Variants in GLIS1 observed in about 807,000 individuals in gnomAD.
The protein encoded by GLIS1 is zinc finger protein GLIS1.
Under a neutral mutation model 63.8 loss-of-function variants are expected in GLIS1, and 24 were observed. The observed-to-expected ratio is 0.38, with a 90% CI of 0.27 to 0.53. The LOEUF (loss-of-function observed/expected upper bound fraction) is 0.53. Ranked by LOEUF, GLIS1 falls within the 20% of genes least tolerant of loss-of-function variation. The probability of loss-of-function intolerance (pLI) is 0.85; values close to 1 mark genes in which losing one functional copy is unlikely to be tolerated. For synonymous variants in GLIS1, 450 were observed against 482.5 expected (o/e 0.93, Z 0.88); for missense variants, 1,036 against 1,074.1 (o/e 0.96, Z 0.50).
chr1:53,530,008 A>G (rs1177974295), intron 4 of GLIS1, 56 bp from the exon 5 acceptor site: 2 of 1,550,824 alleles, frequency 1.3e-6, no homozygotes, highest in East Asian at 2.3e-5. Context: ...CCAACCCTGC[A>G]TGGAAACTAA....
At chr1:53,580,629 C>A (rs1435943776) in intron 4 of GLIS1, among the ~76,000 whole-genome samples, 6 of 152,128 alleles carry the variant, frequency 3.9e-5, no homozygotes. Flanking sequence ...GGAATCCCAG[C>A]TCTTGATCTC....
chr1:53,613,235 T>G (rs1431692683), intron 2 of GLIS1, among the ~76,000 whole-genome samples: 2 of 152,268 alleles, frequency 1.3e-5, no homozygotes, highest in African/African-American at 4.8e-5. Context: ...TTAATGACTC[T>G]ATAGATTCCA....
At chr1:53,521,282 G>A (rs530124838) in intron 6 of GLIS1, among the ~76,000 whole-genome samples, 33 of 152,208 alleles carry the variant, frequency 2.2e-4, no homozygotes, top group African/African-American at 7.7e-4. Context: ...CTGTGCAGCC[G>A]CACCGGTGAA....
intron 2 of GLIS1, among the ~76,000 whole-genome samples, chr1:53,661,075 C>T (rs908251212): frequency 5.9e-5 from 9 of 152,218 alleles, no homozygotes; most frequent in African/African-American, 2.2e-4. Flanking sequence ...TATACACATC[C>T]ATGTATGTAT....
intron 2 of GLIS1, among the ~76,000 whole-genome samples, chr1:53,723,087 C>T (rs1030160364): frequency 5.3e-5 from 8 of 151,228 alleles, no homozygotes; most frequent in African/African-American, 1.7e-4. Context: ...GAGCCAAGAT[C>T]GTGACACTGC....
intron 2 of GLIS1, among the ~76,000 whole-genome samples, chr1:53,631,039 G>T (rs142052037): frequency 2.1e-3 from 323 of 152,242 alleles, no homozygotes; most frequent in African/African-American, 7.6e-3. Flanking sequence ...AAGGATATCA[G>T]GTTTGCTCTT....
At chr1:53,556,684 A>ATG (rs1178105837) in intron 4 of GLIS1, among the ~76,000 whole-genome samples, 21 of 117,220 alleles carry the variant, frequency 1.8e-4, no homozygotes, top group East Asian at 1.5e-3. Context: ...TACTGTAAGT[A>ATG]TGTGTGTGTG....
In GLIS1 at chr1:53,510,008, AGAG is replaced by A; in HGVS notation, c.1900_1902del (p.Leu634del). Reference sequence around the variant, plus strand: ...CCCTTCAGGGGGCTGACTATTGGTGAGAGGAGGCCGGGCCCCAACCTGGAGAGA... The same window carrying A: ...CCCTTCAGGGGGCTGACTATTGGTGAGAGGCCGGGCCCCAACCTGGAGAGA... On this transcript the variant is annotated inframe_deletion, in exon 9 of 11. Coordinates refer to ENST00000628545, the MANE Select transcript of GLIS1 (RefSeq NM_001367484.1). The A allele has an allele frequency of 7.8e-7, 1 of 1,276,174 alleles. No individual in the cohort carries two copies. The highest frequency in any genetic ancestry group is 1.0e-6 in the Non-Finnish European group (1 of 1,003,244). The allele number at this position is 1,276,174 out of a possible 1,614,324, so 79.1% of individuals were successfully genotyped here.
At chr1:53,563,790 T>C (rs1411352635) in intron 4 of GLIS1, among the ~76,000 whole-genome samples, 5 of 152,144 alleles carry the variant, frequency 3.3e-5, no homozygotes, top group African/African-American at 9.7e-5. Context: ...GTAGAAGAAC[T>C]TAAAAGCAAT....
chr1:53,549,560 T>C (rs1039978432), intron 4 of GLIS1, among the ~76,000 whole-genome samples: 24 of 152,266 alleles, frequency 1.6e-4, no homozygotes, highest in African/African-American at 5.8e-4. Context: ...TTGGGCCATC[T>C]GTATCTCTTC....
At chr1:53,723,474 T>C (rs915591589) in intron 2 of GLIS1, among the ~76,000 whole-genome samples, 3 of 152,110 alleles carry the variant, frequency 2.0e-5, no homozygotes, top group Non-Finnish European at 4.4e-5. Context: ...CCTCAGGTGA[T>C]CCGCCTGCCT....
intron 2 of GLIS1, among the ~76,000 whole-genome samples, chr1:53,720,519 AGAG>A (rs1318342301): frequency 1.3e-5 from 2 of 152,198 alleles, no homozygotes; most frequent in Non-Finnish European, 2.9e-5. Flanking sequence ...GAAAAAAAGA[AGAG>A]AAGTTGGTTA....
chr1:53,541,323 T>C lies in GLIS1; in HGVS notation c.1321-11371A>G, dbSNP rs562838200. 3.9e-5 allele frequency among the ~76,000 whole-genome samples: 6 copies of C among 152,344 alleles called. 1 individual carries two copies. In the East Asian group the frequency reaches 9.6e-4, roughly 24 times the overall value. On this transcript the variant is annotated intron_variant, in intron 4 of 10. Transcript: ENST00000628545. The stretch of plus-strand genomic sequence containing the variant: ...GACAGCCCACAGTTTTAAATTGGTC[T>C]GGCCTGCCACCTGGGGCCAGTGGTA...
intron 2 of GLIS1, among the ~76,000 whole-genome samples, chr1:53,677,730 G>GCCATCTCTGGGATCTGCCGTGCCT: frequency 6.6e-6 from 1 of 152,198 alleles, no homozygotes; most frequent in Admixed American, 6.5e-5. Context: ...TTGCTGTCAC[G>GCCATCTCTGGGATCTGCCGTGCCT]CCATCTCTGG....
chr1:53,724,993 C>T (rs1646791453), intron 2 of GLIS1, among the ~76,000 whole-genome samples: 1 of 152,172 alleles, frequency 6.6e-6, no homozygotes, highest in African/African-American at 2.4e-5. Context: ...ATTTAGTTTT[C>T]TCTACCCCAC....
At chr1:53,642,992 C>T (rs1026476011) in intron 2 of GLIS1, among the ~76,000 whole-genome samples, 1 of 152,190 alleles carries the variant, frequency 6.6e-6, no homozygotes, top group Non-Finnish European at 1.5e-5. Context: ...TGTTCTATCG[C>T]TGTCAAACCA....
intron 2 of GLIS1, among the ~76,000 whole-genome samples, chr1:53,664,123 C>T (rs1646062370): frequency 6.6e-6 from 1 of 152,198 alleles, no homozygotes; most frequent in South Asian, 2.1e-4. Context: ...AGGATCCATG[C>T]GGTGCCCACT....
intron 2 of GLIS1, among the ~76,000 whole-genome samples, chr1:53,655,006 A>G (rs759285213): frequency 6.6e-6 from 1 of 152,204 alleles, no homozygotes; most frequent in Non-Finnish European, 1.5e-5. Context: ...AACAGAAAGG[A>G]AATGCTGATG....
chr1:53,678,126 C>T (rs1225028664), intron 2 of GLIS1, among the ~76,000 whole-genome samples: 1 of 152,088 alleles, frequency 6.6e-6, no homozygotes, highest in East Asian at 1.9e-4. Context: ...GTCTTTCTTC[C>T]CCATGCTCCT....
Sources: allele counts gnomAD v4.1 joint callset (sites outside exome capture counted in the v4.1 genomes callset), GRCh38; gene constraint gnomAD v4.1.1; transcripts MANE v1.5; gene names NCBI Gene and HGNC (gene_info 2026-07-23, HGNC 2026-07-21).